The following MTURN variants were observed in gnomAD, a reference collection of about 807,000 sequenced individuals.
MTURN encodes the protein maturin.
In MTURN, 7 loss-of-function variants were observed where a neutral mutation model predicts 14.9. The ratio of observed to expected loss-of-function variants is 0.47; its 90% CI spans 0.27 to 0.88. The LOEUF (loss-of-function observed/expected upper bound fraction) is 0.88. MTURN is among the 40% of genes least tolerant of loss of function. MTURN has a pLI of 0.14. For synonymous variants in MTURN, 69 were observed against 72.5 expected (o/e 0.95, Z 0.25); for missense variants, 151 against 174.1 (o/e 0.87, Z 0.75).
At chr7:30,150,715 G>A (rs925308243) in intron 2 of MTURN, among the ~76,000 whole-genome samples, 1 of 152,212 alleles carries the variant, frequency 6.6e-6, no homozygotes, top group Non-Finnish European at 1.5e-5. Context: ...AGAATAGCCG[G>A]ACCTAGACGT....
chr7:30,154,407 A>G (rs997716794), intron 2 of MTURN, among the ~76,000 whole-genome samples: 7 of 152,192 alleles, frequency 4.6e-5, no homozygotes, highest in African/African-American at 9.7e-5. Context: ...TGTTTCTTAT[A>G]GATAAGGAGT....
chr7:30,142,891 T>G (rs888582716), intron 1 of MTURN, among the ~76,000 whole-genome samples: 1 of 152,250 alleles, frequency 6.6e-6, no homozygotes, highest in African/African-American at 2.4e-5. Flanking sequence ...AGAGGTTCTC[T>G]GATTCCTGCT....
At chr7:30,151,334 G>C (rs144707997) in intron 2 of MTURN, among the ~76,000 whole-genome samples, 1 of 152,160 alleles carries the variant, frequency 6.6e-6, no homozygotes, top group African/African-American at 2.4e-5. Flanking sequence ...TTGGATAATC[G>C]TCAGAACCTT....
At chr7:30,139,483 A>G (rs1482829927) in intron 1 of MTURN, among the ~76,000 whole-genome samples, 4 of 152,222 alleles carry the variant, frequency 2.6e-5, no homozygotes, top group Admixed American at 1.3e-4. Flanking sequence ...GACCCAATCT[A>G]GACTGGGTTC....
chr7:30,138,895 C>T lies in MTURN; in HGVS notation c.162+3597C>T, dbSNP rs113382087. ...CACTTGCGTTCTGTCTGCCTAGAACCCTCTTGCCCCAGATCTTTCCACGGC... is the reference window on the plus strand; with the variant it reads ...CACTTGCGTTCTGTCTGCCTAGAACTCTCTTGCCCCAGATCTTTCCACGGC... On this transcript the variant is annotated intron_variant, in intron 1 of 2. Transcript: ENST00000324453. Among the ~76,000 whole-genome samples the T allele has an allele frequency of 1.9e-3, 287 of 152,338 alleles. 2 individuals are homozygous for T. Among genetic ancestry groups the T allele is most frequent in the African/African-American group, 6.5e-3 (271 of 41,572 alleles).
chr7:30,157,250 C>G (rs1051987908), intron 2 of MTURN, among the ~76,000 whole-genome samples, 188 bp from the exon 3 acceptor site: 4 of 152,178 alleles, frequency 2.6e-5, no homozygotes, highest in African/African-American at 9.7e-5. Context: ...CCTTTGGGCA[C>G]TAATCCATTG....
At chr7:30,141,232 T>G (rs1008287893) in intron 1 of MTURN, 1 of 152,056 alleles carries the variant, frequency 6.6e-6, no homozygotes, top group African/African-American at 2.4e-5. Flanking sequence ...CTGGCCAGCC[T>G]GGTGAAACCC....
At position 30,140,200 on chromosome 7, in the gene MTURN, G is replaced by A. The variant is rs530328641; in HGVS notation, c.162+4902G>A. Among the ~76,000 whole-genome samples the A allele has an allele frequency of 1.2e-4, 18 of 152,232 alleles. No individual in the cohort carries two copies. The South Asian group carries it at 3.7e-3, about 32-fold the overall frequency. Reference sequence around the variant, plus strand: ...TGGGGGCCTGGATCCTGATGATTGTGGGAGAGAGGGAGGGATTCATTTCCC... The same window carrying A: ...TGGGGGCCTGGATCCTGATGATTGTAGGAGAGAGGGAGGGATTCATTTCCC... On this transcript the variant is annotated intron_variant, in intron 1 of 2. Transcript: ENST00000324453.
At chr7:30,145,990 G>T in intron 1 of MTURN, 187 bp from the exon 2 acceptor site, 1 of 1,549,016 alleles carries the variant, frequency 6.5e-7, no homozygotes, top group Non-Finnish European at 8.7e-7. Context: ...GGCTTCTATA[G>T]ATTAGACATT....
Position 30,135,062 on chromosome 7 carries a change from C to T in MTURN, c.-75C>T. The T allele has an allele frequency of 1.7e-6, 2 of 1,192,540 alleles. No individual in the cohort carries two copies. Among genetic ancestry groups the T allele is most frequent in the South Asian group, 2.6e-5 (1 of 38,574 alleles). 73.9% of individuals were successfully genotyped at this position (1,192,540 alleles called of 1,614,324 possible). On this transcript the variant is annotated 5_prime_UTR_variant, in exon 1 of 3. Coordinates refer to ENST00000324453, the MANE Select transcript of MTURN (RefSeq NM_152793.3). ...AGCCCGCGCAGGCCGAGCCGAGCGC[C>T]GCGCTGCCCGCCCGGGAGGAGGGCG...
At chr7:30,146,557 G>A (rs1045120668) in intron 2 of MTURN, among the ~76,000 whole-genome samples, 1 of 152,074 alleles carries the variant, frequency 6.6e-6, no homozygotes, top group Non-Finnish European at 1.5e-5. Context: ...GATGGGGGGG[G>A]AAGCAAACAG....
rs1276497717 is a variant in MTURN at position 30,140,413 on chromosome 7, G to GTATATATATATATATA, written c.162+5116_162+5117insATATATATATATATAT. On this transcript the variant is annotated intron_variant, in intron 1 of 2. Coordinates refer to ENST00000324453, the MANE Select transcript of MTURN (RefSeq NM_152793.3). The stretch of plus-strand genomic sequence containing the variant: ...TAGAGGGGTGTGTGTGTGTGTGTGT[G>GTATATATATATATATA]TGTATCCCCATTTGTGGTCTGAACA... Among the ~76,000 whole-genome samples, 88 of 23,050 alleles carry GTATATATATATATATA rather than the reference G, an allele frequency of 3.8e-3. No individual in the cohort carries two copies. In the Middle Eastern group the frequency reaches 0.17, roughly 44 times the overall value. 15.1% of individuals were successfully genotyped at this position (23,050 alleles called of 152,430 possible).
Position 30,158,036 on chromosome 7 carries a change from T to C in MTURN, c.*488T>C, listed in dbSNP as rs1281120792. ...ATAAAGCATGAATTTTAATATCTAG[T>C]CATTAAACTGCACAAGTGCAAATAC... On this transcript the variant is annotated 3_prime_UTR_variant, in exon 3 of 3. Coordinates refer to ENST00000324453, the MANE Select transcript of MTURN (RefSeq NM_152793.3). The C allele has an allele frequency of 6.6e-6, 1 of 152,588 alleles. No individual in the cohort carries two copies. The highest frequency in any genetic ancestry group is 2.4e-5 in the African/African-American group (1 of 41,442). 9.5% of individuals were successfully genotyped at this position (152,588 alleles called of 1,614,324 possible). A position where few individuals can be genotyped will look rare whatever the true frequency, so the allele number is the denominator to read the frequency against.
intron 2 of MTURN, among the ~76,000 whole-genome samples, chr7:30,155,589 G>A (rs927446629): frequency 2.0e-5 from 3 of 152,210 alleles, no homozygotes; most frequent in Non-Finnish European, 2.9e-5. Flanking sequence ...AGCTGAGAGC[G>A]CTCTTCCTGC....
intron 2 of MTURN, among the ~76,000 whole-genome samples, chr7:30,149,279 C>T (rs1280968510): frequency 6.6e-6 from 1 of 152,226 alleles, no homozygotes; most frequent in African/African-American, 2.4e-5. Context: ...TGTTGCTGGG[C>T]TTCCAGGTTT....
At chr7:30,138,567 T>G (rs1797001936) in intron 1 of MTURN, among the ~76,000 whole-genome samples, 1 of 152,094 alleles carries the variant, frequency 6.6e-6, no homozygotes, top group Admixed American at 6.5e-5. Flanking sequence ...GTCTCCTTGC[T>G]TATAACCTCC....
At position 30,157,586 on chromosome 7, in the gene MTURN, A is replaced by C. The variant is rs373679411; in HGVS notation, c.*38A>C. 20 of 1,509,796 alleles carry C rather than the reference A, an allele frequency of 1.3e-5. No individual in the cohort carries two copies. The highest frequency in any genetic ancestry group is 2.1e-4 in the Middle Eastern group (1 of 4,872). 93.5% of individuals were successfully genotyped at this position (1,509,796 alleles called of 1,614,324 possible). A position where few individuals can be genotyped will look rare whatever the true frequency, so the allele number is the denominator to read the frequency against. ...CCCTGAGAAGGAGAGTGAGCCCCAC[A>C]GTAACCTAGGTGGGGTCACTGCCCC... On this transcript the variant is annotated 3_prime_UTR_variant, in exon 3 of 3. Transcript: ENST00000324453.
At chr7:30,151,123 C>T (rs1485912712) in intron 2 of MTURN, among the ~76,000 whole-genome samples, 1 of 152,186 alleles carries the variant, frequency 6.6e-6, no homozygotes, top group African/African-American at 2.4e-5. Flanking sequence ...TACTCCACTC[C>T]AGTGACCTCC....
In MTURN at chr7:30,162,295, T is replaced by TG. The variant is rs1348912619; in HGVS notation, c.*4748dup. 1 of 152,172 alleles carries TG rather than the reference T, an allele frequency of 6.6e-6. No homozygotes were observed. The highest frequency in any genetic ancestry group is 1.5e-5 in the Non-Finnish European group (1 of 68,034). 9.4% of individuals were successfully genotyped at this position (152,172 alleles called of 1,614,324 possible). On this transcript the variant is annotated 3_prime_UTR_variant, in exon 3 of 3. Transcript: ENST00000324453. ...GTTTCATTTTTTACTAAGCCCCTTC[T>TG]GACACCTAGGCAGATAAAGATAAGA...
Sources: gnomAD v4.1 joint callset for allele counts (sites outside exome capture counted in the v4.1 genomes callset) on GRCh38, gnomAD v4.1.1 for gene constraint, MANE v1.5 for transcripts, NCBI Gene and HGNC (gene_info 2026-07-23, HGNC 2026-07-21) for gene names.